The following NINJ2 variants were observed in gnomAD, a reference collection of about 807,000 sequenced individuals.
The protein encoded by NINJ2 is ninjurin 2, also known as ninjurin-2.
NINJ2 carries 12 observed loss-of-function variants against 11.7 expected under a neutral mutation model. The observed-to-expected ratio is 1.02, with a 90% confidence interval of 0.66 to 1.66. The LOEUF is 1.66. Ranked by LOEUF, NINJ2 falls within the 40% of genes most tolerant of loss-of-function variation. NINJ2 has a pLI of 0.00. For missense variants in NINJ2, 187 were observed against 181.8 expected (o/e 1.03, Z -0.16); for synonymous variants, 93 against 76.8 (o/e 1.21, Z -1.10).
intron 1 of NINJ2, among the ~76,000 whole-genome samples, chr12:575,414 C>A (rs780935109): frequency 6.6e-6 from 1 of 152,236 alleles, no homozygotes; most frequent in African/African-American, 2.4e-5. Flanking sequence ...ACACACCCCA[C>A]CCTTCCCAGC....
chr12:609,232 ACGCACGGCGCCACGCTAGGGGCTGTACG>A (rs1947985287), intron 1 of NINJ2, among the ~76,000 whole-genome samples: 5 of 130,156 alleles, frequency 3.8e-5, no homozygotes, highest in Admixed American at 1.6e-4. Flanking sequence ...CTGAACGCGC[ACGCACGGCGCCACGCTAGGGGCTGTACG>A]CACGCACGGC....
chr12:565,745 G>A (rs1947288172), intron 2 of NINJ2: 1 of 656,352 alleles, frequency 1.5e-6, no homozygotes, highest in Admixed American at 2.2e-5. Flanking sequence ...CTGCTCCATG[G>A]GATACCAGGA....
rs149981916 is a variant in NINJ2, at chr12:646,080, G to A, written c.33+17248C>T. 7.8e-4 allele frequency among the ~76,000 whole-genome samples: 119 copies of A among 152,268 alleles called. 2 individuals are homozygous for A. In the East Asian group the frequency reaches 0.019, roughly 25 times the overall value. On this transcript the variant is annotated intron_variant, in intron 1 of 3. Coordinates refer to ENST00000305108, the MANE Select transcript of NINJ2 (RefSeq NM_016533.6). ...TCACACAATCTCACAGGGACAGCCC[G>A]CTGCCAGCCACTACTACTGTGACTA...
chr12:626,455 C>G (rs761867982), intron 1 of NINJ2, among the ~76,000 whole-genome samples: 5 of 152,220 alleles, frequency 3.3e-5, no homozygotes, highest in African/African-American at 4.8e-5. Flanking sequence ...CTCTTCTTCT[C>G]TCTACCGCAG....
chr12:658,784 C>T (rs1458830407), intron 1 of NINJ2, among the ~76,000 whole-genome samples: 1 of 151,878 alleles, frequency 6.6e-6, no homozygotes, highest in Non-Finnish European at 1.5e-5. Flanking sequence ...TGTTATTACG[C>T]ATAGAATGTT....
rs541407639 is a variant in NINJ2, at chr12:657,794, A to G, written c.33+5534T>C. ...GGCCAACATCCAGAACACTGACAAT[A>G]CCAAATGCTGATGAGAATGTGGAAC... On this transcript the variant is annotated intron_variant, in intron 1 of 3. Transcript: ENST00000305108. Among the ~76,000 whole-genome samples the G allele has an allele frequency of 4.6e-5, 7 of 152,226 alleles. No homozygotes were observed. The East Asian group carries it at 1.2e-3, about 25-fold the overall frequency.
chr12:636,908 C>A (rs1404656117), intron 1 of NINJ2, among the ~76,000 whole-genome samples: 1 of 152,138 alleles, frequency 6.6e-6, no homozygotes, highest in Non-Finnish European at 1.5e-5. Context: ...CCCCAAAAAA[C>A]TGAAAGAAAG....
chr12:586,815 G>A (rs1046798164), intron 1 of NINJ2, among the ~76,000 whole-genome samples: 2 of 152,194 alleles, frequency 1.3e-5, no homozygotes, highest in African/African-American at 4.8e-5. Context: ...TAGGGATCCA[G>A]GTGTGGGGAT....
intron 1 of NINJ2, among the ~76,000 whole-genome samples, chr12:634,583 A>G (rs1320487422): frequency 6.6e-6 from 1 of 151,928 alleles, no homozygotes; most frequent in Non-Finnish European, 1.5e-5. Flanking sequence ...TTTCTTCTGC[A>G]GTAAAGGCCA....
At chr12:565,456 C>T in intron 2 of NINJ2, 55 bp from the exon 3 acceptor site, 1 of 1,562,182 alleles carries the variant, frequency 6.4e-7, no homozygotes, top group Non-Finnish European at 8.7e-7. Flanking sequence ...CAGCACGGAG[C>T]TGCCCCCACA....
chr12:616,531 A>C (rs113900231), intron 1 of NINJ2, among the ~76,000 whole-genome samples: 241 of 152,346 alleles, frequency 1.6e-3, no homozygotes, highest in Non-Finnish European at 3.0e-3. Context: ...ATTACAGTGA[A>C]GAGTGGGACT....
At chr12:601,112 G>C (rs1374564867) in intron 1 of NINJ2, among the ~76,000 whole-genome samples, 1 of 152,226 alleles carries the variant, frequency 6.6e-6, no homozygotes, top group Admixed American at 6.5e-5. Context: ...AACTGGCAGA[G>C]CATTGTGAAT....
At chr12:600,488 G>A (rs924273746) in intron 1 of NINJ2, among the ~76,000 whole-genome samples, 7 of 152,030 alleles carry the variant, frequency 4.6e-5, no homozygotes, top group African/African-American at 9.7e-5. Context: ...CCTGGGAGGC[G>A]GAGGTTGCAG....
At position 567,655 on chromosome 12, in the gene NINJ2, T is replaced by C. The variant is rs113138495; in HGVS notation, c.34-1477A>G. ...ACACAGAGGACAGTTGATTTACACA[T>C]AGGCTAACTGATTTACCTATCTATC... On this transcript the variant is annotated intron_variant, in intron 1 of 3. Transcript: ENST00000305108. 8.7e-4 allele frequency among the ~76,000 whole-genome samples: 133 copies of C among 152,260 alleles called. 1 individual carries two copies. Among genetic ancestry groups the C allele is most frequent in the African/African-American group, 3.1e-3 (128 of 41,544 alleles).
chr12:570,842 C>A (rs1386096161), intron 1 of NINJ2, among the ~76,000 whole-genome samples: 1 of 152,208 alleles, frequency 6.6e-6, no homozygotes, highest in African/African-American at 2.4e-5. Flanking sequence ...GTTGCTGGGC[C>A]CAGCTCTGCC....
At chr12:644,790 A>G (rs778825373) in intron 1 of NINJ2, 9 of 152,234 alleles carry the variant, frequency 5.9e-5, no homozygotes, top group Non-Finnish European at 1.2e-4. Flanking sequence ...TAGAATTCAT[A>G]TTTAGTAAGC....
intron 1 of NINJ2, among the ~76,000 whole-genome samples, chr12:651,347 C>T (rs139677242): frequency 5.0e-4 from 76 of 152,254 alleles, no homozygotes; most frequent in Non-Finnish European, 7.2e-4. Context: ...GGGGAAGATC[C>T]GATTGCAGCG....
chr12:610,572 G>C, intron 1 of NINJ2: 1 of 985,320 alleles, frequency 1.0e-6, no homozygotes, highest in Non-Finnish European at 1.2e-6. Flanking sequence ...TGGTGGGTTA[G>C]CTGCTCTGAG....
intron 2 of NINJ2, 200 bp from the exon 3 acceptor site, chr12:565,601 C>G: frequency 1.6e-6 from 1 of 625,272 alleles, no homozygotes; most frequent in Non-Finnish European, 2.8e-6. Context: ...GTGCTTCATC[C>G]CACCAGGATT....
Sources: allele counts gnomAD v4.1 joint callset (sites outside exome capture counted in the v4.1 genomes callset), GRCh38; gene constraint gnomAD v4.1.1; transcripts MANE v1.5; gene names NCBI Gene and HGNC (gene_info 2026-07-23, HGNC 2026-07-21).